Variants in AGFG2 observed in about 807,000 individuals in gnomAD.
AGFG2 encodes ArfGAP with FG repeats 2.
A neutral mutation model predicts 48.0 loss-of-function variants in AGFG2; 31 were observed. The observed-to-expected ratio is 0.65, with a 90% CI of 0.49 to 0.87. The LOEUF is 0.87. Ranked by LOEUF, AGFG2 falls within the 40% of genes least tolerant of loss-of-function variation. AGFG2 has a pLI of 0.00. For missense variants in AGFG2, 599 were observed against 632.6 expected, an observed-to-expected ratio of 0.95 and a Z score of 0.57; for synonymous variants, 229 against 260.8, an observed-to-expected ratio of 0.88 and a Z score of 1.18.
intron 3 of AGFG2, among the ~76,000 whole-genome samples, chr7:100,551,066 A>ATTT (rs1800631293): frequency 1.4e-5 from 1 of 69,714 alleles, no homozygotes; most frequent in African/African-American, 6.4e-5. Context: ...ATATATATAT[A>ATTT]TTTCTTTTTT....
At chr7:100,553,645 G>A (rs529158890) in intron 4 of AGFG2, 145 bp downstream of exon 4, 3 of 1,009,690 alleles carry the variant, frequency 3.0e-6, no homozygotes, top group East Asian at 2.7e-5. Context: ...CCTGTATCTT[G>A]TATTTGTCAC....
chr7:100,551,154 C>T (rs1265694464), intron 3 of AGFG2, among the ~76,000 whole-genome samples: 2 of 144,788 alleles, frequency 1.4e-5, no homozygotes, highest in Non-Finnish European at 3.0e-5. Context: ...ACTCCAAGTT[C>T]CACCTCCCAG....
Position 100,567,952 on chromosome 7 carries a change from CAGTG to C in AGFG2, c.*2962_*2965del, listed in dbSNP as rs1292071273. 1 of 152,558 alleles carries C rather than the reference CAGTG, an allele frequency of 6.6e-6. No homozygotes were observed. The highest frequency in any genetic ancestry group is 1.5e-5 in the Non-Finnish European group (1 of 68,074). 9.5% of individuals were successfully genotyped at this position (152,558 alleles called of 1,614,324 possible). A position where few individuals can be genotyped will look rare whatever the true frequency, so the allele number is the denominator to read the frequency against. ...GTGACTCCAGGTTTGTCCTGGTACTCAGTGGGTCCAATCACCTGGCATTGATCAC... is the reference window on the plus strand; with the variant it reads ...GTGACTCCAGGTTTGTCCTGGTACTCGGTCCAATCACCTGGCATTGATCAC... On this transcript the variant is annotated 3_prime_UTR_variant, in exon 12 of 12. Transcript: ENST00000300176.
intron 3 of AGFG2, among the ~76,000 whole-genome samples, chr7:100,551,507 G>A (rs1800644880): frequency 6.6e-6 from 1 of 151,566 alleles, no homozygotes; most frequent in African/African-American, 2.4e-5. Flanking sequence ...GCCCGGCCTT[G>A]TTTCATGATT....
Position 100,539,460 on chromosome 7 carries a change from C to G in AGFG2, c.114C>G (p.Gly38=). The change falls in exon 1 of 12, where the codon GGC becomes GGG. Residue 38 remains glycine (G), a synonymous_variant. Transcript: ENST00000300176. ...VWCRRVRELG[G]CSQAGNRHCF... is the part of the protein sequence containing the mutation. ...GCCGTCGGGTGCGGGAGCTGGGTGG[C>G]TGCAGCCAGGCCGGGAACCGCCACT... 7.6e-7 allele frequency: 1 copy of G among 1,321,848 alleles called. No individual in the cohort carries two copies. Among genetic ancestry groups the G allele is most frequent in the African/African-American group, 1.5e-5 (1 of 65,220 alleles). The allele number at this position is 1,321,848 out of a possible 1,614,324, so 81.9% of individuals were successfully genotyped here.
At chr7:100,544,084 T>A (rs778947269) in intron 1 of AGFG2, among the ~76,000 whole-genome samples, 3 of 152,238 alleles carry the variant, frequency 2.0e-5, no homozygotes, top group Non-Finnish European at 4.4e-5. Flanking sequence ...TTTGCCTGAA[T>A]GCGTCTGTGA....
Position 100,539,304 on chromosome 7 carries a change from T to A in AGFG2, c.-43T>A. ...TGAGGAGGCGGGAAGGCGGCAGTGG[T>A]TGAAGGGGTGATTGCTGACTAGCGG... is the stretch of plus-strand genomic sequence containing the variant. On this transcript the variant is annotated 5_prime_UTR_variant, in exon 1 of 12. In the 5' UTR this introduces an upstream ATG that the reference lacks. Transcript: ENST00000300176. 8.0e-7 allele frequency: 1 copy of A among 1,257,108 alleles called. No homozygotes were observed. The allele number at this position is 1,257,108 out of a possible 1,614,324, so 77.9% of individuals were successfully genotyped here. A position where few individuals can be genotyped will look rare whatever the true frequency, so the allele number is the denominator to read the frequency against.
intron 3 of AGFG2, among the ~76,000 whole-genome samples, chr7:100,551,968 G>T (rs1303444856): frequency 5.3e-5 from 8 of 151,224 alleles, no homozygotes; most frequent in African/African-American, 1.5e-4. Flanking sequence ...ATAAGGCCAG[G>T]TGTGGTGGCT....
At chr7:100,564,655 C>A (rs962631710) in intron 11 of AGFG2, among the ~76,000 whole-genome samples, 1 of 152,126 alleles carries the variant, frequency 6.6e-6, no homozygotes, top group African/African-American at 2.4e-5. Flanking sequence ...AGGTGTGCAC[C>A]ACCGCACATG....
Position 100,554,151 on chromosome 7 carries a change from A to C in AGFG2, c.644A>C (p.His215Pro), listed in dbSNP as rs765605174. 101 of 1,613,686 alleles carry C rather than the reference A, an allele frequency of 6.3e-5. No individual in the cohort carries two copies. The highest frequency in any genetic ancestry group is 7.5e-5 in the Non-Finnish European group (88 of 1,179,944). The change falls in exon 5 of 12, where the codon CAC (histidine) becomes CCC (proline). Residue 215 changes from histidine (H) to proline (P), a missense_variant. Physicochemically the swap from His to Pro is moderately conservative, Grantham distance 77. Coordinates refer to ENST00000300176, the MANE Select transcript of AGFG2 (RefSeq NM_006076.5). ...SQARSTQPPP[H>P]SSVKKASTDL... ...GCCCGGAGCACTCAGCCACCTCCCC[A>C]CTCCTCTGTCAAAAAAGCCAGTACT...
At chr7:100,559,688 C>T (rs191237393) in intron 6 of AGFG2, among the ~76,000 whole-genome samples, 1 of 151,774 alleles carries the variant, frequency 6.6e-6, no homozygotes, top group Admixed American at 6.6e-5. Context: ...CATAGTGGTG[C>T]GTGCCTGTAG....
At chr7:100,549,058 A>G (rs1800571209) in intron 2 of AGFG2, 143 bp downstream of exon 2, 1 of 662,338 alleles carries the variant, frequency 1.5e-6, no homozygotes, top group Non-Finnish European at 2.6e-6. Context: ...TTCCTTAGGT[A>G]TATTTACAGA....
At chr7:100,551,729 CA>C (rs539393251) in intron 3 of AGFG2, among the ~76,000 whole-genome samples, 1 of 149,002 alleles carries the variant, frequency 6.7e-6, no homozygotes, top group African/African-American at 2.5e-5. Context: ...ACTAAAAATA[CA>C]AAAAAAATTA....
At chr7:100,559,883 C>A (rs1800828936) in intron 6 of AGFG2, among the ~76,000 whole-genome samples, 1 of 152,010 alleles carries the variant, frequency 6.6e-6, no homozygotes, top group Non-Finnish European at 1.5e-5. Context: ...TCTTGGGCCA[C>A]CGCCTCCTTT....
In AGFG2 at chr7:100,566,821, T is replaced by C. The variant is rs905054480; in HGVS notation, c.*1830T>C. 3.3e-5 allele frequency: 5 copies of C among 152,364 alleles called. No homozygotes were observed. The highest frequency in any genetic ancestry group is 1.2e-4 in the African/African-American group (5 of 41,454). 9.4% of individuals were successfully genotyped at this position (152,364 alleles called of 1,614,324 possible). On this transcript the variant is annotated 3_prime_UTR_variant, in exon 12 of 12. Transcript: ENST00000300176. ...TCTTCGCCACCCTAGATTATCTCTG[T>C]GTCCCTCTACCTAATTCTCTTACCA...
chr7:100,546,168 C>T (rs1248639248), intron 1 of AGFG2, among the ~76,000 whole-genome samples: 2 of 148,974 alleles, frequency 1.3e-5, no homozygotes, highest in East Asian at 2.0e-4. Flanking sequence ...CCGCCCCCCC[C>T]GCCCGCCACC....
rs537029796 is a variant in AGFG2, at chr7:100,563,406, G to A, written c.1172-428G>A. On this transcript the variant is annotated intron_variant, in intron 9 of 11. Coordinates refer to ENST00000300176, the MANE Select transcript of AGFG2 (RefSeq NM_006076.5). ...ATGCTGGCTGAAGCCTTGAGGCTGG[G>A]GAGAGAGGAATAAGAGCAAACACAG... is the stretch of plus-strand genomic sequence containing the variant. 1.8e-4 allele frequency among the ~76,000 whole-genome samples: 27 copies of A among 152,368 alleles called. No homozygotes were observed. The South Asian group carries it at 5.6e-3, about 32-fold the overall frequency.
intron 5 of AGFG2, among the ~76,000 whole-genome samples, chr7:100,554,937 CAAAA>C (rs749887106): frequency 1.7e-5 from 1 of 57,570 alleles, no homozygotes; most frequent in African/African-American, 6.4e-5. Context: ...GACTCCGTCT[CAAAA>C]AAAAAAAAAA....
intron 5 of AGFG2, among the ~76,000 whole-genome samples, chr7:100,555,031 C>G (rs1019449358): frequency 8.6e-5 from 13 of 151,440 alleles, no homozygotes; most frequent in Non-Finnish European, 1.6e-4. Context: ...AATGTTAATG[C>G]CTCATGGAGT....
Sources: allele counts gnomAD v4.1 joint callset (sites outside exome capture counted in the v4.1 genomes callset), GRCh38; gene constraint gnomAD v4.1.1; transcripts MANE v1.5; gene names NCBI Gene and HGNC (gene_info 2026-07-23, HGNC 2026-07-21).